Variants in PON3 observed in about 807,000 individuals in gnomAD.
PON3 encodes paraoxonase 3, also known as serum paraoxonase/lactonase 3.
A neutral mutation model predicts 36.3 loss-of-function variants in PON3; 37 were observed. The observed-to-expected ratio is 1.02, with a 90% CI of 0.78 to 1.34. The LOEUF (loss-of-function observed/expected upper bound fraction) is 1.34, where lower values mean the gene tolerates loss of function less well. Among genes scored for constraint, PON3 ranks in the 40% most tolerant of loss-of-function variants. The pLI, the probability that PON3 is intolerant of heterozygous loss-of-function variation, is 0.00. For synonymous variants in PON3, 155 were observed against 154.8 expected, an observed-to-expected ratio of 1.00 and a Z score of -0.01; for missense variants, 415 against 426.5, an observed-to-expected ratio of 0.97 and a Z score of 0.24.
rs1808648413 is a variant in PON3, at chr7:95,364,551, C to T, written c.495-488G>A. The T allele has an allele frequency of 1.8e-5, 4 of 223,234 alleles. No individual in the cohort carries two copies. The South Asian group carries it at 2.8e-4, about 16-fold the overall frequency. The allele number at this position is 223,234 out of a possible 1,614,324, so 13.8% of individuals were successfully genotyped here. A position where few individuals can be genotyped will look rare whatever the true frequency, so the allele number is the denominator to read the frequency against. Reference sequence around the variant, plus strand: ...ACCACTGCTTGCTTCACCATGTTTCCCTCATGTTTCCACAGTAATGAGCAA... The same window carrying T: ...ACCACTGCTTGCTTCACCATGTTTCTCTCATGTTTCCACAGTAATGAGCAA... On this transcript the variant is annotated intron_variant, in intron 5 of 8. Transcript: ENST00000265627.
At chr7:95,376,325 G>A (rs547385174) in intron 3 of PON3, among the ~76,000 whole-genome samples, 2 of 152,284 alleles carry the variant, frequency 1.3e-5, no homozygotes, top group African/African-American at 4.8e-5. Context: ...AAAATATCCT[G>A]TTTGTCATCC....
chr7:95,381,267 A>C (rs1271467881), intron 3 of PON3, among the ~76,000 whole-genome samples: 1 of 152,350 alleles, frequency 6.6e-6, no homozygotes, highest in South Asian at 2.1e-4. Flanking sequence ...TGTAAAGACC[A>C]TCGAGGCTAG....
At position 95,396,339 on chromosome 7, in the gene PON3, G is replaced by A. The variant is rs771524194; in HGVS notation, c.12C>T (p.Leu4=). MGK[L]VALVLLGVGL... is the part of the protein sequence containing the mutation. Reference sequence around the variant, plus strand: ...CGACCCCCAGCAGGACCAGCGCCACGAGCTTCCCCATGGTCTCGGGGTGCC... The same window carrying A: ...CGACCCCCAGCAGGACCAGCGCCACAAGCTTCCCCATGGTCTCGGGGTGCC... The change falls in exon 1 of 9, where the codon CTC becomes CTT. Residue 4 remains leucine, a synonymous_variant. Transcript: ENST00000265627. 6.8e-6 allele frequency: 11 copies of A among 1,613,804 alleles called. No homozygotes were observed. In the East Asian group the frequency reaches 1.1e-4, roughly 16 times the overall value.
intron 1 of PON3, among the ~76,000 whole-genome samples, chr7:95,394,944 T>C (rs1042566322): frequency 2.0e-5 from 3 of 152,210 alleles, no homozygotes; most frequent in African/African-American, 7.2e-5. Context: ...AAAAACTGTA[T>C]AATATGATTC....
chr7:95,390,390 AG>A (rs963195593), intron 2 of PON3, among the ~76,000 whole-genome samples, 181 bp from the exon 3 acceptor site: 17 of 152,316 alleles, frequency 1.1e-4, no homozygotes, highest in Middle Eastern at 3.4e-3. Context: ...TCTATAGTAA[AG>A]CTTGAGTCAG....
At chr7:95,386,340 A>G (rs1019160558) in intron 3 of PON3, among the ~76,000 whole-genome samples, 1 of 152,212 alleles carries the variant, frequency 6.6e-6, no homozygotes, top group Admixed American at 6.6e-5. Flanking sequence ...ACCATCAGAG[A>G]ATACTAAAAA....
At chr7:95,395,933 A>C in intron 1 of PON3, 1 of 358,520 alleles carries the variant, frequency 2.8e-6, no homozygotes, top group Non-Finnish European at 5.4e-6. Flanking sequence ...CGGCGTTTCC[A>C]ATGGACGTCC....
chr7:95,369,421 T>C (rs1232284318), intron 4 of PON3, among the ~76,000 whole-genome samples: 1 of 152,146 alleles, frequency 6.6e-6, no homozygotes, highest in Non-Finnish European at 1.5e-5. Context: ...AGGAACTTGC[T>C]ATAGAGCAAG....
At chr7:95,392,104 T>C (rs1396583352) in intron 2 of PON3, among the ~76,000 whole-genome samples, 1 of 152,198 alleles carries the variant, frequency 6.6e-6, no homozygotes, top group Non-Finnish European at 1.5e-5. Context: ...TGTAGATGTT[T>C]GTAAAGGACT....
At chr7:95,364,359 T>C (rs772621986) in intron 5 of PON3, 1 of 430,758 alleles carries the variant, frequency 2.3e-6, no homozygotes. Context: ...ATGTTGATCA[T>C]GGTTATCTGT....
At chr7:95,371,149 T>C (rs1335566928) in intron 4 of PON3, among the ~76,000 whole-genome samples, 1 of 152,212 alleles carries the variant, frequency 6.6e-6, no homozygotes, top group Non-Finnish European at 1.5e-5. Context: ...TATTGCCAAA[T>C]AGTGTTCTAT....
chr7:95,391,976 C>T (rs1342085455), intron 2 of PON3, among the ~76,000 whole-genome samples: 1 of 152,206 alleles, frequency 6.6e-6, no homozygotes, highest in Non-Finnish European at 1.5e-5. Flanking sequence ...ATAAGCTAAG[C>T]CCATCACCCC....
chr7:95,393,232 A>G (rs969043376), intron 2 of PON3, among the ~76,000 whole-genome samples: 2 of 152,250 alleles, frequency 1.3e-5, no homozygotes, highest in African/African-American at 4.8e-5. Context: ...ATTCTAATAA[A>G]TAAGTCACAG....
chr7:95,384,096 A>C (rs1250155241), intron 3 of PON3, among the ~76,000 whole-genome samples: 1 of 152,202 alleles, frequency 6.6e-6, no homozygotes, highest in Non-Finnish European at 1.5e-5. Flanking sequence ...AAAAACAAGA[A>C]ATGGGGAAAG....
At position 95,375,299 on chromosome 7, in the gene PON3, T is replaced by C. The variant is rs1048637245; in HGVS notation, c.202-2961A>G. On this transcript the variant is annotated intron_variant, in intron 3 of 8. Transcript: ENST00000265627. ...GTATATATGTACGTATATATGTATA[T>C]GTATACATATATATGTATGTGTGTG... Among the ~76,000 whole-genome samples the C allele has an allele frequency of 2.7e-5, 4 of 150,646 alleles. No individual in the cohort carries two copies. The East Asian group carries it at 5.8e-4, about 22-fold the overall frequency.
At chr7:95,387,806 C>T (rs2116418566) in intron 3 of PON3, among the ~76,000 whole-genome samples, 1 of 152,238 alleles carries the variant, frequency 6.6e-6, no homozygotes, top group Admixed American at 6.5e-5. Flanking sequence ...TGGAACAGAA[C>T]AGAAGCCTCA....
intron 3 of PON3, among the ~76,000 whole-genome samples, chr7:95,382,429 A>G (rs200645970): frequency 6.6e-6 from 1 of 152,198 alleles, no homozygotes; most frequent in Admixed American, 6.5e-5. Flanking sequence ...TATTTTGAAA[A>G]GATCAACAAA....
At chr7:95,380,988 A>G (rs183895705) in intron 3 of PON3, among the ~76,000 whole-genome samples, 40 of 152,342 alleles carry the variant, frequency 2.6e-4, no homozygotes, top group Admixed American at 1.5e-3. Flanking sequence ...AGCCCATCAG[A>G]CTAACAGCTG....
intron 3 of PON3, among the ~76,000 whole-genome samples, chr7:95,385,264 A>T (rs1270821035): frequency 6.6e-6 from 1 of 152,124 alleles, no homozygotes; most frequent in East Asian, 1.9e-4. Flanking sequence ...ATGATGAGTT[A>T]ATTGGTGCAG....
Sources: allele counts gnomAD v4.1 joint callset (sites outside exome capture counted in the v4.1 genomes callset), GRCh38; gene constraint gnomAD v4.1.1; transcripts MANE v1.5; gene names NCBI Gene and HGNC (gene_info 2026-07-23, HGNC 2026-07-21).